The following FRAS1 variants were observed in gnomAD, a reference collection of about 807,000 sequenced individuals.
FRAS1 encodes the protein extracellular matrix organizing protein FRAS1.
A neutral mutation model predicts 435.2 loss-of-function variants in FRAS1; 290 were observed. That is an observed-to-expected ratio of 0.67 (90% CI 0.61 to 0.73). The LOEUF is 0.73. Among genes scored for constraint, FRAS1 ranks in the 30% least tolerant of loss-of-function variants. FRAS1 has a pLI of 0.00. For missense variants in FRAS1, 4,860 were observed against 5,001.5 expected (o/e 0.97, Z 0.85); for synonymous variants, 1,800 against 1,851.0 (o/e 0.97, Z 0.71).
intron 63 of FRAS1, among the ~76,000 whole-genome samples, chr4:78,509,651 AC>A (rs1720969325): frequency 6.6e-6 from 1 of 152,218 alleles, no homozygotes; most frequent in Admixed American, 6.5e-5. Flanking sequence ...AAGCTTAGAG[AC>A]CAACACCCCT....
At chr4:78,328,062 C>T (rs1431213544) in intron 18 of FRAS1, among the ~76,000 whole-genome samples, 2 of 152,108 alleles carry the variant, frequency 1.3e-5, no homozygotes, top group Admixed American at 6.5e-5. Context: ...GTCATGGCAA[C>T]GTTCATTGAG....
intron 9 of FRAS1, among the ~76,000 whole-genome samples, chr4:78,278,346 T>C (rs1727160678): frequency 6.6e-6 from 1 of 152,244 alleles, no homozygotes; most frequent in Non-Finnish European, 1.5e-5. Context: ...ATAACTTTCC[T>C]AGACTATAAC....
chr4:78,123,413 T>G (rs5962908), intron 2 of FRAS1, among the ~76,000 whole-genome samples: 1 of 152,222 alleles, frequency 6.6e-6, no homozygotes, highest in African/African-American at 2.4e-5. Flanking sequence ...GGTAGCAGGA[T>G]GCCTCCAGCT....
rs1348908027 is a variant in FRAS1 at position 78,446,793 on chromosome 4, G to A, written c.5923G>A (p.Val1975Met). 9.9e-6 allele frequency: 16 copies of A among 1,613,246 alleles called. No individual in the cohort carries two copies. The Admixed American group carries it at 2.7e-4, about 27-fold the overall frequency. ...PLRVQLSSGV[V>M]ISNSSLSLQD... ...CAGAGTGCAGCTGAGCTCGGGAGTGGTGATAAGCAATTCTTCTTTGAGCCT... is the reference window on the plus strand; with the variant it reads ...CAGAGTGCAGCTGAGCTCGGGAGTGATGATAAGCAATTCTTCTTTGAGCCT... The change falls in exon 43 of 74, where the codon GTG becomes ATG. Residue 1975 changes from valine (V) to methionine (M), a missense_variant. Coordinates refer to ENST00000512123, the MANE Select transcript of FRAS1 (RefSeq NM_025074.7).
At position 78,073,224 on chromosome 4, in the gene FRAS1, T is replaced by G. The variant is rs999561319; in HGVS notation, c.108+7208T>G. Among the ~76,000 whole-genome samples, 5 of 152,236 alleles carry G rather than the reference T, an allele frequency of 3.3e-5. No individual in the cohort carries two copies. In the South Asian group the frequency reaches 1.0e-3, roughly 31 times the overall value. ...TCCTATTTGGGAATTTATATGTTCTTAGAATAATTGTATGAGAGGAATAAT... is the reference window on the plus strand; with the variant it reads ...TCCTATTTGGGAATTTATATGTTCTGAGAATAATTGTATGAGAGGAATAAT... On this transcript the variant is annotated intron_variant, in intron 2 of 73. Coordinates refer to ENST00000512123, the MANE Select transcript of FRAS1 (RefSeq NM_025074.7).
chr4:78,125,647 T>A (rs1719303449), intron 2 of FRAS1, among the ~76,000 whole-genome samples: 1 of 152,128 alleles, frequency 6.6e-6, no homozygotes, highest in Admixed American at 6.5e-5. Flanking sequence ...CAGCTGCAGG[T>A]CTGTTGGAGT....
chr4:78,434,806 T>A (rs1352582409), intron 38 of FRAS1, among the ~76,000 whole-genome samples: 1 of 152,088 alleles, frequency 6.6e-6, no homozygotes, highest in African/African-American at 2.4e-5. Flanking sequence ...AAAAAGCATG[T>A]CCCCTGGTCT....
rs562369319 is a variant in FRAS1 at position 78,407,664 on chromosome 4, G to A, written c.4131G>A (p.Gly1377=). ...ACTATGTGGCCTGTGCCTTCCTAGG[G>A]GAGGTGGTCCTTCTAGTGAATATGC... ...YKITQDYPQF[G]EVVLLVNMPA... is the part of the protein sequence containing the mutation. The change falls in exon 31 of 74, where the codon GGG becomes GGA. Residue 1377 remains glycine (G), a splice_region_variant and synonymous_variant. Transcript: ENST00000512123. 64 of 1,610,850 alleles carry A rather than the reference G, an allele frequency of 4.0e-5. No individual in the cohort carries two copies. The East Asian group carries it at 1.2e-3, about 30-fold the overall frequency.
intron 20 of FRAS1, among the ~76,000 whole-genome samples, chr4:78,358,586 ATG>A (rs1177776247): frequency 6.6e-6 from 1 of 152,184 alleles, no homozygotes; most frequent in Non-Finnish European, 1.5e-5. Context: ...AAATGAAATT[ATG>A]TGTTTATAAT....
chr4:78,176,102 AC>A (rs958865726), intron 2 of FRAS1, among the ~76,000 whole-genome samples: 1 of 152,194 alleles, frequency 6.6e-6, no homozygotes, highest in Non-Finnish European at 1.5e-5. Context: ...GGGTAATAAT[AC>A]CTGTAGTTGG....
intron 26 of FRAS1, among the ~76,000 whole-genome samples, chr4:78,378,642 C>G (rs1872266): frequency 1.3e-5 from 2 of 151,994 alleles, no homozygotes; most frequent in African/African-American, 4.8e-5. Flanking sequence ...TGCACCTGCT[C>G]ATGTGCTTAT....
chr4:78,134,233 T>G (rs924361966), intron 2 of FRAS1, among the ~76,000 whole-genome samples: 1 of 152,156 alleles, frequency 6.6e-6, no homozygotes, highest in Non-Finnish European at 1.5e-5. Context: ...TCCCACTGTT[T>G]TGAGCCTTAT....
intron 47 of FRAS1, 47 bp downstream of exon 47, chr4:78,452,401 G>T (rs539013726): frequency 6.8e-7 from 1 of 1,466,906 alleles, no homozygotes; most frequent in East Asian, 2.3e-5. Flanking sequence ...TTAGACCTTA[G>T]TAAGTATTGA....
intron 18 of FRAS1, among the ~76,000 whole-genome samples, chr4:78,322,066 A>T (rs1255798807): frequency 6.6e-6 from 1 of 152,214 alleles, no homozygotes; most frequent in Non-Finnish European, 1.5e-5. Context: ...ACAAGTGATG[A>T]GAATGTGGCA....
At chr4:78,234,756 C>T (rs1232608836) in intron 2 of FRAS1, among the ~76,000 whole-genome samples, 1 of 152,136 alleles carries the variant, frequency 6.6e-6, no homozygotes, top group Non-Finnish European at 1.5e-5. Flanking sequence ...TTGGAGAGGC[C>T]ACAGAGTTTG....
intron 2 of FRAS1, among the ~76,000 whole-genome samples, chr4:78,235,228 C>A (rs1724699267): frequency 6.6e-6 from 1 of 152,202 alleles, no homozygotes; most frequent in African/African-American, 2.4e-5. Context: ...AGTACCTCCA[C>A]AGCGACATTG....
chr4:78,405,202 C>G (rs1420011123), intron 30 of FRAS1, among the ~76,000 whole-genome samples: 1 of 152,114 alleles, frequency 6.6e-6, no homozygotes, highest in Non-Finnish European at 1.5e-5. Context: ...GAAAATTCTG[C>G]TTTGCTTTTT....
At chr4:78,361,561 C>T (rs546069467) in intron 20 of FRAS1, among the ~76,000 whole-genome samples, 2 of 152,328 alleles carry the variant, frequency 1.3e-5, no homozygotes, top group African/African-American at 2.4e-5. Context: ...GAAGGGTTCT[C>T]ATGTGGATGA....
chr4:78,112,148 A>G (rs1742761306), intron 2 of FRAS1, among the ~76,000 whole-genome samples: 1 of 152,156 alleles, frequency 6.6e-6, no homozygotes, highest in Non-Finnish European at 1.5e-5. Context: ...AGAATTCTCC[A>G]AAGGAGAAAG....
Sources: allele counts gnomAD v4.1 joint callset (sites outside exome capture counted in the v4.1 genomes callset), GRCh38; gene constraint gnomAD v4.1.1; transcripts MANE v1.5; gene names NCBI Gene and HGNC (gene_info 2026-07-23, HGNC 2026-07-21).